Variants in FRMD4B observed in about 807,000 individuals in gnomAD.
FRMD4B encodes the protein FERM domain-containing protein 4B.
FRMD4B carries 74 observed loss-of-function variants against 141.5 expected under a neutral mutation model. The ratio of observed to expected loss-of-function variants is 0.52; its 90% CI spans 0.43 to 0.63. FRMD4B has a LOEUF of 0.63. Among genes scored for constraint, FRMD4B ranks in the 30% least tolerant of loss-of-function variants. FRMD4B has a pLI of 0.00. For synonymous variants in FRMD4B, 506 were observed against 467.9 expected, an observed-to-expected ratio of 1.08 and a Z score of -1.05; for missense variants, 1,366 against 1,253.4, an observed-to-expected ratio of 1.09 and a Z score of -1.36.
chr3:69,280,295 GC>G (rs1249067132), intron 5 of FRMD4B, among the ~76,000 whole-genome samples: 3 of 152,068 alleles, frequency 2.0e-5, no homozygotes, highest in Non-Finnish European at 4.4e-5. Flanking sequence ...AGGTTCAGGG[GC>G]CCTCGCTTGA....
At position 69,250,290 on chromosome 3, in the gene FRMD4B, C is replaced by CGTGTGTGTGTGTGT. The variant is rs10526962; in HGVS notation, c.502-205_502-192dup. The CGTGTGTGTGTGTGT allele has an allele frequency of 5.7e-3, 2,407 of 418,676 alleles. 52 individuals are homozygous for CGTGTGTGTGTGTGT. Among genetic ancestry groups the CGTGTGTGTGTGTGT allele is most frequent in the Admixed American group, 0.042 (1,062 of 25,538 alleles). The allele number at this position is 418,676 out of a possible 1,614,324, so 25.9% of individuals were successfully genotyped here. On this transcript the variant is annotated intron_variant, in intron 5 of 22. Transcript: ENST00000398540. Reference sequence around the variant, plus strand: ...GGTTAAGGCGAAACCACTGTGTGTGCGTGTGTGTGTGTGTGTGTGTGTGTG... The same window carrying CGTGTGTGTGTGTGT: ...GGTTAAGGCGAAACCACTGTGTGTGCGTGTGTGTGTGTGTGTGTGTGTGTGTGTGTGTGTGTGTG...
intron 1 of FRMD4B, among the ~76,000 whole-genome samples, chr3:69,527,225 A>G (rs1203180162): frequency 2.0e-5 from 3 of 152,204 alleles, no homozygotes; most frequent in African/African-American, 7.2e-5. Context: ...CAGGAAAAAA[A>G]GGATTACAGG....
intron 1 of FRMD4B, among the ~76,000 whole-genome samples, chr3:69,461,405 A>G (rs1705704663): frequency 6.6e-6 from 1 of 151,966 alleles, no homozygotes; most frequent in Admixed American, 6.6e-5. Flanking sequence ...TCTAAAATAA[A>G]TAAATCAATA....
In FRMD4B at chr3:69,210,689, G is replaced by A. The variant is rs556150659; in HGVS notation, c.876+5574C>T. ...ATGCTTAATGAATTAGGAGGTGAAA[G>A]AAGTGCTCACACATCTCCGAAAACA... is the stretch of plus-strand genomic sequence containing the variant. On this transcript the variant is annotated intron_variant, in intron 11 of 22. Transcript: ENST00000398540. 2.0e-5 allele frequency among the ~76,000 whole-genome samples: 3 copies of A among 152,260 alleles called. No individual in the cohort carries two copies. The East Asian group carries it at 5.8e-4, about 29-fold the overall frequency.
intron 5 of FRMD4B, among the ~76,000 whole-genome samples, chr3:69,267,650 G>T (rs1471949244): frequency 1.2e-3 from 43 of 35,314 alleles, no homozygotes; most frequent in Middle Eastern, 0.013. Flanking sequence ...GAGAGAGAGA[G>T]AGAGAGAGAG....
chr3:69,364,052 A>T (rs977915639), intron 1 of FRMD4B, among the ~76,000 whole-genome samples: 2 of 152,204 alleles, frequency 1.3e-5, no homozygotes, highest in African/African-American at 4.8e-5. Context: ...TATATGGGCA[A>T]GGGGGTGATA....
At chr3:69,363,661 T>C (rs952856897) in intron 1 of FRMD4B, among the ~76,000 whole-genome samples, 2 of 152,168 alleles carry the variant, frequency 1.3e-5, no homozygotes, top group African/African-American at 4.8e-5. Context: ...AGTGCTAGGA[T>C]TACAGGCGTG....
chr3:69,282,650 A>G (rs556443850), intron 5 of FRMD4B, among the ~76,000 whole-genome samples: 5 of 152,180 alleles, frequency 3.3e-5, no homozygotes, highest in African/African-American at 1.2e-4. Flanking sequence ...TTATATACGT[A>G]TATTTGGAGA....
chr3:69,506,797 G>T (rs911798695), intron 1 of FRMD4B, among the ~76,000 whole-genome samples: 2 of 149,672 alleles, frequency 1.3e-5, no homozygotes, highest in South Asian at 4.2e-4. Context: ...TCCTGCCTTG[G>T]CCTCCTAATC....
intron 4 of FRMD4B, among the ~76,000 whole-genome samples, chr3:69,301,202 A>C (rs896817515): frequency 3.3e-5 from 5 of 152,238 alleles, no homozygotes; most frequent in Non-Finnish European, 7.3e-5. Context: ...GTTTATCATA[A>C]AATTTTTCAT....
At position 69,176,662 on chromosome 3, in the gene FRMD4B, A is replaced by C. The variant is rs1040177691; in HGVS notation, c.2852-6T>G. 3 of 1,587,756 alleles carry C rather than the reference A, an allele frequency of 1.9e-6. No individual in the cohort carries two copies. Among genetic ancestry groups the C allele is most frequent in the African/African-American group, 2.7e-5 (2 of 74,096 alleles). On this transcript the variant is annotated splice_polypyrimidine_tract_variant and splice_region_variant and intron_variant, in intron 21 of 22. Transcript: ENST00000398540. ...AGAAGCATTTGTAGAAGACACTGGA[A>C]ATAAAAATGGAAAAAGATAAAATTA...
At position 69,169,585 on chromosome 3, in the gene FRMD4B, G is replaced by C. The variant is rs1172230236; in HGVS notation, c.*2276C>G. Among the ~76,000 whole-genome samples, 1 of 151,990 alleles carries C rather than the reference G, an allele frequency of 6.6e-6. No homozygotes were observed. Among genetic ancestry groups the C allele is most frequent in the African/African-American group, 2.4e-5 (1 of 41,382 alleles). ...TTGTCCAGGCTGGTCTTGAACTCCT[G>C]AGCTCAAGCAATCCTCCCACTTCGG... is the stretch of plus-strand genomic sequence containing the variant. On this transcript the variant is annotated 3_prime_UTR_variant, in exon 23 of 23. Transcript: ENST00000398540.
intron 1 of FRMD4B, among the ~76,000 whole-genome samples, chr3:69,339,944 C>T (rs769351828): frequency 3.3e-5 from 5 of 152,064 alleles, no homozygotes; most frequent in Non-Finnish European, 5.9e-5. Flanking sequence ...AAAAAACTCC[C>T]ATCCCTGAGG....
At chr3:69,273,344 T>C (rs2093603839) in intron 5 of FRMD4B, among the ~76,000 whole-genome samples, 1 of 152,206 alleles carries the variant, frequency 6.6e-6, no homozygotes, top group Non-Finnish European at 1.5e-5. Flanking sequence ...ACAGTGATTC[T>C]CCTATGTCTC....
chr3:69,319,208 C>T (rs1701910348), intron 1 of FRMD4B, among the ~76,000 whole-genome samples: 1 of 152,108 alleles, frequency 6.6e-6, no homozygotes, highest in African/African-American at 2.4e-5. Flanking sequence ...TACTCTGGAT[C>T]GAAAGCATAG....
At chr3:69,210,823 G>C (rs1204450691) in intron 11 of FRMD4B, among the ~76,000 whole-genome samples, 1 of 151,998 alleles carries the variant, frequency 6.6e-6, no homozygotes, top group East Asian at 1.9e-4. Context: ...AGACCAGCCT[G>C]ACCAACATGG....
At chr3:69,486,409 C>T (rs928897226) in intron 1 of FRMD4B, among the ~76,000 whole-genome samples, 4 of 149,206 alleles carry the variant, frequency 2.7e-5, no homozygotes, top group African/African-American at 1.0e-4. Context: ...TCCATCGTAT[C>T]TTTCTTATGC....
chr3:69,439,601 C>T (rs1360160858), intron 1 of FRMD4B, among the ~76,000 whole-genome samples: 3 of 152,158 alleles, frequency 2.0e-5, no homozygotes, highest in Non-Finnish European at 4.4e-5. Flanking sequence ...TTGAGAAATG[C>T]TGCTGATTTC....
intron 1 of FRMD4B, among the ~76,000 whole-genome samples, chr3:69,538,535 A>AC (rs1200399218): frequency 6.6e-6 from 1 of 152,148 alleles, no homozygotes; most frequent in Non-Finnish European, 1.5e-5. Context: ...TGATGCTGAC[A>AC]CTTGCTGTCT....
Sources: allele counts gnomAD v4.1 joint callset (sites outside exome capture counted in the v4.1 genomes callset), GRCh38; gene constraint gnomAD v4.1.1; transcripts MANE v1.5; gene names NCBI Gene and HGNC (gene_info 2026-07-23, HGNC 2026-07-21).